The following HPSE2 variants were observed in gnomAD, a reference collection of about 807,000 sequenced individuals.
HPSE2 encodes the protein heparanase 2 (inactive).
HPSE2 carries 38 observed loss-of-function variants against 60.5 expected under a neutral mutation model. The observed-to-expected ratio is 0.63, with a 90% confidence interval of 0.48 to 0.82. HPSE2 has a LOEUF of 0.82. Ranked by LOEUF, HPSE2 falls within the 40% of genes least tolerant of loss-of-function variation. The pLI is 0.00. For missense variants in HPSE2, 713 were observed against 740.4 expected, an observed-to-expected ratio of 0.96 and a Z score of 0.43; for synonymous variants, 295 against 293.2, an observed-to-expected ratio of 1.01 and a Z score of -0.06.
At chr10:99,216,188 C>CTT (rs550046406) in intron 2 of HPSE2, among the ~76,000 whole-genome samples, 2,978 of 97,586 alleles carry the variant, frequency 0.031, 373 homozygotes, top group African/African-American at 0.083. Context: ...ATAACCTAAA[C>CTT]TTTTTTTTTT....
intron 3 of HPSE2, among the ~76,000 whole-genome samples, chr10:98,796,061 T>C (rs914670374): frequency 2.6e-5 from 4 of 152,070 alleles, no homozygotes; most frequent in African/African-American, 9.7e-5. Context: ...CTCTGAGATG[T>C]GCTCACTTTA....
chr10:98,484,805 T>C (rs1224464166), intron 10 of HPSE2, among the ~76,000 whole-genome samples: 1 of 152,238 alleles, frequency 6.6e-6, no homozygotes, highest in Non-Finnish European at 1.5e-5. Context: ...GAGAACTATA[T>C]GCCTACATGC....
Position 98,721,661 on chromosome 10 carries a change from C to T in HPSE2, c.952G>A (p.Asp318Asn), listed in dbSNP as rs1294931026. 1 of 1,613,390 alleles carries T rather than the reference C, an allele frequency of 6.2e-7. No homozygotes were observed. Among genetic ancestry groups the T allele is most frequent in the Admixed American group, 1.7e-5 (1 of 59,902 alleles). Reference sequence around the variant, plus strand: ...AAGCTAAATAATCTGACCTACCCATCTAGGAGGGCGATGACATTCTTCCTC... The same window carrying T: ...AAGCTAAATAATCTGACCTACCCATTTAGGAGGGCGATGACATTCTTCCTC... The part of the protein sequence containing the change: ...RPRKNVIALL[D>N]GFMKVAGSTV... Residue 318 changes from aspartate to asparagine, a missense_variant, in exon 5 of 12, where the codon GAT (aspartate) becomes AAT (asparagine). Physicochemically the swap from Asp to Asn is conservative, Grantham distance 23. Coordinates refer to ENST00000370552, the MANE Select transcript of HPSE2 (RefSeq NM_021828.5).
chr10:98,696,914 C>T (rs1489987960), intron 5 of HPSE2, among the ~76,000 whole-genome samples: 1 of 152,040 alleles, frequency 6.6e-6, no homozygotes, highest in Non-Finnish European at 1.5e-5. Flanking sequence ...AGGGACCTGA[C>T]CACTGCAAGA....
At chr10:99,315,237 A>ACAGTTC in the HPSE2 span, among the ~76,000 whole-genome samples, 1 of 152,228 alleles carries the variant, frequency 6.6e-6, no homozygotes, top group African/African-American at 2.4e-5. Context: ...AAGGTGCATG[A>ACAGTTC]CAGTTCCATG....
At chr10:98,824,996 C>CT (rs1951509963) in intron 3 of HPSE2, among the ~76,000 whole-genome samples, 1 of 152,172 alleles carries the variant, frequency 6.6e-6, no homozygotes, top group African/African-American at 2.4e-5. Flanking sequence ...CTGTCAGGCA[C>CT]TGTGATAGTC....
intron 2 of HPSE2, among the ~76,000 whole-genome samples, chr10:99,150,779 G>A (rs970496358): frequency 6.6e-6 from 1 of 152,102 alleles, no homozygotes; most frequent in Non-Finnish European, 1.5e-5. Context: ...CTAATGGGGA[G>A]GCTACGCACA....
chr10:98,829,833 G>T (rs1951641261), intron 3 of HPSE2, among the ~76,000 whole-genome samples: 1 of 152,040 alleles, frequency 6.6e-6, no homozygotes, highest in African/African-American at 2.4e-5. Context: ...TACCACTGGG[G>T]ATTTTTATTT....
the HPSE2 span, among the ~76,000 whole-genome samples, chr10:99,305,985 A>G: frequency 6.0e-4 from 85 of 142,720 alleles, 3 homozygotes; most frequent in Middle Eastern, 7.5e-3. Flanking sequence ...GCGCGCACAC[A>G]CACACACACA....
chr10:98,643,057 A>G (rs904144876), intron 6 of HPSE2, among the ~76,000 whole-genome samples: 1 of 152,184 alleles, frequency 6.6e-6, no homozygotes, highest in Non-Finnish European at 1.5e-5. Flanking sequence ...TAGATGATCT[A>G]CCTACTCAGC....
chr10:98,697,015 T>C (rs1032561602), intron 5 of HPSE2, among the ~76,000 whole-genome samples: 12 of 151,704 alleles, frequency 7.9e-5, no homozygotes, highest in Non-Finnish European at 1.3e-4. Flanking sequence ...CAAAGATTGA[T>C]AGTAGACAAA....
At chr10:98,479,111 T>C (rs1228668860) in intron 11 of HPSE2, among the ~76,000 whole-genome samples, 6 of 152,212 alleles carry the variant, frequency 3.9e-5, no homozygotes, top group African/African-American at 1.4e-4. Flanking sequence ...GTGGCAATTC[T>C]AAGAGAATGA....
At chr10:99,079,294 T>A (rs548805488) in intron 3 of HPSE2, among the ~76,000 whole-genome samples, 2 of 152,100 alleles carry the variant, frequency 1.3e-5, no homozygotes, top group South Asian at 4.1e-4. Flanking sequence ...CTAGGGTATA[T>A]TCATCTGCTT....
At chr10:99,315,432 G>A in the HPSE2 span, among the ~76,000 whole-genome samples, 4 of 152,216 alleles carry the variant, frequency 2.6e-5, no homozygotes, top group East Asian at 3.9e-4. Flanking sequence ...GTTCACAGAC[G>A]ACCAGAATTC....
intron 3 of HPSE2, among the ~76,000 whole-genome samples, chr10:99,029,141 C>T (rs1375916002): frequency 6.6e-6 from 1 of 152,038 alleles, no homozygotes; most frequent in Non-Finnish European, 1.5e-5. Flanking sequence ...GGGATCACAT[C>T]AAGTTAAAAA....
In HPSE2 at chr10:98,559,572, C is replaced by T. The variant is rs545096949; in HGVS notation, c.1320+55332G>A. 6.6e-5 allele frequency among the ~76,000 whole-genome samples: 10 copies of T among 152,294 alleles called. No individual in the cohort carries two copies. The East Asian group carries it at 1.9e-3, about 29-fold the overall frequency. ...GTCCTTCTCACTCTCCCCTTATCTG[C>T]TTCCTGATTTCATTAATCCATCCGC... is the stretch of plus-strand genomic sequence containing the variant. On this transcript the variant is annotated intron_variant, in intron 9 of 11. Coordinates refer to ENST00000370552, the MANE Select transcript of HPSE2 (RefSeq NM_021828.5).
chr10:98,843,307 G>T (rs1337417707), intron 3 of HPSE2, among the ~76,000 whole-genome samples: 3 of 152,002 alleles, frequency 2.0e-5, no homozygotes, highest in African/African-American at 7.3e-5. Context: ...TTGGTTCTCT[G>T]TTCCTATGTT....
intron 3 of HPSE2, among the ~76,000 whole-genome samples, chr10:98,834,344 A>G (rs569526181): frequency 6.6e-6 from 1 of 152,308 alleles, no homozygotes; most frequent in Admixed American, 6.5e-5. Flanking sequence ...ATAGAGAACC[A>G]ATTCATTATC....
At chr10:98,807,822 C>T (rs900824349) in intron 3 of HPSE2, among the ~76,000 whole-genome samples, 1 of 152,122 alleles carries the variant, frequency 6.6e-6, no homozygotes, top group African/African-American at 2.4e-5. Context: ...GAATAAGCTC[C>T]ATAGCCTAAG....
Sources: gnomAD v4.1 joint callset for allele counts (sites outside exome capture counted in the v4.1 genomes callset) on GRCh38, gnomAD v4.1.1 for gene constraint, MANE v1.5 for transcripts, NCBI Gene and HGNC (gene_info 2026-07-23, HGNC 2026-07-21) for gene names.